Variants in GORAB observed in about 807,000 individuals in gnomAD.
GORAB encodes the protein RAB6-interacting golgin.
Under a neutral mutation model 29.9 loss-of-function variants are expected in GORAB, and 17 were observed. The ratio of observed to expected loss-of-function variants is 0.57; its 90% confidence interval spans 0.39 to 0.85. GORAB has a LOEUF of 0.85. Among genes scored for constraint, GORAB ranks in the 40% least tolerant of loss-of-function variants. The probability of loss-of-function intolerance (pLI) is 0.00; values close to 1 mark genes in which losing one functional copy is unlikely to be tolerated. For missense variants in GORAB, 442 were observed against 437.8 expected (o/e 1.01, Z -0.09); for synonymous variants, 183 against 157.2 (o/e 1.16, Z -1.23).
intron 4 of GORAB, among the ~76,000 whole-genome samples, chr1:170,546,548 TC>T (rs1474089202): frequency 6.6e-6 from 1 of 152,240 alleles, no homozygotes; most frequent in African/African-American, 2.4e-5. Context: ...GGAAAAAACA[TC>T]CTATAGTCTA....
chr1:170,538,887 T>C (rs1461340003), intron 1 of GORAB, among the ~76,000 whole-genome samples: 2 of 152,228 alleles, frequency 1.3e-5, no homozygotes, highest in East Asian at 1.9e-4. Context: ...TGGTCAAAAT[T>C]AGTTGCTTTC....
chr1:170,544,688 C>A lies in GORAB; in HGVS notation c.522-17C>A. The A allele has an allele frequency of 6.2e-7, 1 of 1,612,588 alleles. No homozygotes were observed. ...TAAAATGTTCTTATTTTCCCACTCA[C>A]ATACCTGATTTTCTAGATCCAAAAG... On this transcript the variant is annotated splice_polypyrimidine_tract_variant and intron_variant, in intron 3 of 4. Transcript: ENST00000367763.
At chr1:170,545,167 A>T (rs1649680432) in intron 4 of GORAB, 1 of 1,033,520 alleles carries the variant, frequency 9.7e-7, no homozygotes, top group Non-Finnish European at 1.2e-6. Flanking sequence ...CTAGCAAAGT[A>T]AATATCTGAG....
chr1:170,532,621 T>C (rs867507683), intron 1 of GORAB: 1 of 334,872 alleles, frequency 3.0e-6, no homozygotes, highest in South Asian at 2.7e-5. Flanking sequence ...GAATCAACGG[T>C]TGGAAGGTTA....
chr1:170,539,733 A>C (rs549646762), intron 2 of GORAB, 166 bp downstream of exon 2: 186 of 709,448 alleles, frequency 2.6e-4, no homozygotes, highest in Non-Finnish European at 3.4e-4. Flanking sequence ...CTACTGCCTA[A>C]ATATAAGCTG....
In GORAB at chr1:170,551,964, A is replaced by G. The variant is rs756160575; in HGVS notation, c.663-51A>G. ...ATTGTTTCTAGATCCTCTTTTGAAT[A>G]TCTTCTTCAATGGAAAACTGATGGA... On this transcript the variant is annotated intron_variant, in intron 4 of 4. Coordinates refer to ENST00000367763, the MANE Select transcript of GORAB (RefSeq NM_152281.3). The G allele has an allele frequency of 4.7e-6, 7 of 1,496,922 alleles. No individual in the cohort carries two copies. In the African/African-American group the frequency reaches 8.3e-5, roughly 18 times the overall value. The allele number at this position is 1,496,922 out of a possible 1,614,324, so 92.7% of individuals were successfully genotyped here.
chr1:170,539,422 A>C lies in GORAB; in HGVS notation c.274A>C (p.Thr92Pro). 1 of 1,614,012 alleles carries C rather than the reference A, an allele frequency of 6.2e-7. No homozygotes were observed. The highest frequency in any genetic ancestry group is 8.5e-7 in the Non-Finnish European group (1 of 1,179,990). The change falls in exon 2 of 5, where the codon ACC (threonine) becomes CCC (proline). Residue 92 changes from threonine (T) to proline (P), a missense_variant. Coordinates refer to ENST00000367763, the MANE Select transcript of GORAB (RefSeq NM_152281.3). ...SPTLPSHFTLTSPVGDGQPQG... is the reference protein window; with the variant it reads ...SPTLPSHFTLPSPVGDGQPQG... The stretch of plus-strand genomic sequence containing the variant: ...TACTCTTCCGAGTCATTTCACTCTC[A>C]CCTCCCCCGTTGGTGATGGACAACC...
At chr1:170,539,653 A>G in intron 2 of GORAB, 86 bp downstream of exon 2, 1 of 1,398,352 alleles carries the variant, frequency 7.2e-7, no homozygotes, top group African/African-American at 1.4e-5. Flanking sequence ...TAATTTGTTT[A>G]TTTTAACATT....
intron 1 of GORAB, among the ~76,000 whole-genome samples, chr1:170,538,464 G>A (rs1160550329): frequency 6.6e-6 from 1 of 152,080 alleles, no homozygotes; most frequent in African/African-American, 2.4e-5. Flanking sequence ...TGTTAACACT[G>A]GCATGGACAG....
At chr1:170,548,175 C>T (rs1649877861) in intron 4 of GORAB, among the ~76,000 whole-genome samples, 1 of 152,262 alleles carries the variant, frequency 6.6e-6, no homozygotes, top group Admixed American at 6.5e-5. Flanking sequence ...CATTTCTTGC[C>T]TCTTCCAGCT....
chr1:170,545,169 A>G, intron 4 of GORAB: 2 of 1,030,574 alleles, frequency 1.9e-6, no homozygotes, highest in Non-Finnish European at 1.2e-6. Context: ...AGCAAAGTAA[A>G]TATCTGAGTG....
Position 170,542,598 on chromosome 1 carries a change from G to A in GORAB, c.521+6G>A, listed in dbSNP as rs1480932757. On this transcript the variant is annotated splice_donor_region_variant and intron_variant, in intron 3 of 4. Coordinates refer to ENST00000367763, the MANE Select transcript of GORAB (RefSeq NM_152281.3). ...GCTAAAGCTATTGCAGAAAGGTGAGGCACCTGAACCAGGAGAGGCTGTTTG... is the reference window on the plus strand; with the variant it reads ...GCTAAAGCTATTGCAGAAAGGTGAGACACCTGAACCAGGAGAGGCTGTTTG... 1.3e-6 allele frequency: 2 copies of A among 1,589,602 alleles called. No individual in the cohort carries two copies. Among genetic ancestry groups the A allele is most frequent in the Non-Finnish European group, 8.6e-7 (1 of 1,157,740 alleles).
intron 4 of GORAB, chr1:170,545,424 G>A: frequency 1.0e-6 from 1 of 955,208 alleles, no homozygotes; most frequent in African/African-American, 1.8e-5. Flanking sequence ...TTTAATATAT[G>A]TTTCCTTGGT....
intron 3 of GORAB, among the ~76,000 whole-genome samples, chr1:170,543,676 A>G (rs1649581781): frequency 6.7e-6 from 1 of 149,946 alleles, no homozygotes; most frequent in African/African-American, 2.4e-5. Context: ...TAATTAAAGC[A>G]TTTTAGTAGT....
intron 1 of GORAB, among the ~76,000 whole-genome samples, chr1:170,534,628 T>G (rs1437357915): frequency 2.6e-5 from 4 of 152,182 alleles, no homozygotes; most frequent in Non-Finnish European, 5.9e-5. Context: ...TTTCTATGTT[T>G]AGATACACAA....
chr1:170,537,577 T>C (rs564342172), intron 1 of GORAB, among the ~76,000 whole-genome samples: 1 of 152,318 alleles, frequency 6.6e-6, no homozygotes, highest in African/African-American at 2.4e-5. Flanking sequence ...AAAATCAAGA[T>C]ATTTTACATA....
At chr1:170,545,245 A>T (rs1431657330) in intron 4 of GORAB, 2 of 993,984 alleles carry the variant, frequency 2.0e-6, no homozygotes, top group East Asian at 1.0e-4. Context: ...TTGATATCTG[A>T]TATAGTCCTA....
chr1:170,547,702 A>T (rs1649847322), intron 4 of GORAB, among the ~76,000 whole-genome samples: 1 of 152,196 alleles, frequency 6.6e-6, no homozygotes, highest in South Asian at 2.1e-4. Context: ...TTTTAATAAG[A>T]ATGTAAGCAT....
intron 4 of GORAB, chr1:170,545,180 G>T (rs1018173418): frequency 9.8e-7 from 1 of 1,018,094 alleles, no homozygotes; most frequent in African/African-American, 1.7e-5. Context: ...TATCTGAGTG[G>T]TTTCGCCAAA....
Sources: allele counts gnomAD v4.1 joint callset (sites outside exome capture counted in the v4.1 genomes callset), GRCh38; gene constraint gnomAD v4.1.1; transcripts MANE v1.5; gene names NCBI Gene and HGNC (gene_info 2026-07-23, HGNC 2026-07-21).